OLFM3: variants seen among roughly 807,000 people sequenced by gnomAD.
The protein encoded by OLFM3 is noelin-3.
A neutral mutation model predicts 48.6 loss-of-function variants in OLFM3; 20 were observed. That is an observed-to-expected ratio of 0.41 (90% confidence interval 0.29 to 0.60). OLFM3 has a LOEUF of 0.60. Ranked by LOEUF, OLFM3 falls within the 20% of genes least tolerant of loss-of-function variation. The pLI, the probability that OLFM3 is intolerant of heterozygous loss-of-function variation, is 0.28. For missense variants in OLFM3, 437 were observed against 544.3 expected (o/e 0.80, Z 1.96); for synonymous variants, 222 against 198.1 (o/e 1.12, Z -1.01).
intron 1 of OLFM3, among the ~76,000 whole-genome samples, chr1:101,858,805 A>T (rs1037987906): frequency 6.6e-6 from 1 of 152,084 alleles, no homozygotes; most frequent in Non-Finnish European, 1.5e-5. Flanking sequence ...CTTCCTGTAC[A>T]GCCTGAAGAA....
chr1:101,985,766 T>C, intron 1 of OLFM3, among the ~76,000 whole-genome samples: 1 of 152,240 alleles, frequency 6.6e-6, no homozygotes, highest in Non-Finnish European at 1.5e-5. Context: ...GTGCTTGGGA[T>C]GTGAAATAAG....
chr1:101,955,679 G>A (rs952310477), intron 1 of OLFM3, among the ~76,000 whole-genome samples: 1 of 151,754 alleles, frequency 6.6e-6, no homozygotes, highest in Non-Finnish European at 1.5e-5. Context: ...ACACATTTTG[G>A]TTCCTTATTT....
At chr1:101,871,967 AAGTC>A (rs1479733141) in intron 1 of OLFM3, among the ~76,000 whole-genome samples, 1 of 152,116 alleles carries the variant, frequency 6.6e-6, no homozygotes, top group Non-Finnish European at 1.5e-5. Context: ...TGTGATCACA[AAGTC>A]AGCTACTCAC....
intron 1 of OLFM3, among the ~76,000 whole-genome samples, chr1:101,922,778 AC>A (rs1659139220): frequency 6.6e-6 from 1 of 152,212 alleles, no homozygotes; most frequent in Non-Finnish European, 1.5e-5. Flanking sequence ...CAGAGGTATC[AC>A]AATGTGCCTA....
At chr1:101,959,468 T>A (rs1427729337) in intron 1 of OLFM3, among the ~76,000 whole-genome samples, 1 of 152,050 alleles carries the variant, frequency 6.6e-6, no homozygotes, top group East Asian at 1.9e-4. Context: ...ATAACAGGTA[T>A]CCCTCATCAA....
At chr1:101,806,260 G>T in intron 4 of OLFM3, 78 bp from the exon 5 acceptor site, 2 of 1,058,516 alleles carry the variant, frequency 1.9e-6, no homozygotes, top group Admixed American at 3.6e-5. Context: ...TAAGAGCAAA[G>T]AAGGGGATCA....
At chr1:101,993,400 G>A (rs774701064) in intron 1 of OLFM3, among the ~76,000 whole-genome samples, 4 of 151,808 alleles carry the variant, frequency 2.6e-5, no homozygotes, top group African/African-American at 4.8e-5. Context: ...TCTAGCAGCC[G>A]CCCTCAGAAA....
intron 1 of OLFM3, among the ~76,000 whole-genome samples, chr1:101,838,723 G>A (rs921392081): frequency 4.6e-5 from 7 of 151,736 alleles, no homozygotes; most frequent in South Asian, 2.1e-4. Flanking sequence ...CAGGTGATCC[G>A]CCTGCCTCAG....
intron 1 of OLFM3, among the ~76,000 whole-genome samples, chr1:101,839,365 C>T (rs759512261): frequency 9.2e-5 from 14 of 152,094 alleles, no homozygotes; most frequent in Non-Finnish European, 1.9e-4. Context: ...AAAATGCAGA[C>T]TACCCACAGA....
rs1238827658 is a variant in OLFM3 at position 101,868,540 on chromosome 1, C to A, written c.70-31515G>T. Among the ~76,000 whole-genome samples the A allele has an allele frequency of 2.6e-5, 4 of 152,116 alleles. No homozygotes were observed. In the East Asian group the frequency reaches 7.7e-4, roughly 29 times the overall value. The stretch of plus-strand genomic sequence containing the variant: ...AAGCAGCAAAGCATTGAAGAGGAAG[C>A]AGAACATACAAATTTGGAAAATTTG... On this transcript the variant is annotated intron_variant, in intron 1 of 5. Transcript: ENST00000370103.
At chr1:101,876,281 T>C (rs1215144418) in intron 1 of OLFM3, among the ~76,000 whole-genome samples, 1 of 151,946 alleles carries the variant, frequency 6.6e-6, no homozygotes, top group Admixed American at 6.6e-5. Flanking sequence ...CTAAAGGGAA[T>C]TGGTGAATGC....
intron 3 of OLFM3, among the ~76,000 whole-genome samples, chr1:101,828,426 A>C (rs1314294696): frequency 1.3e-5 from 2 of 152,218 alleles, no homozygotes; most frequent in African/African-American, 4.8e-5. Flanking sequence ...GGATTTTGAC[A>C]TATAACTTCA....
chr1:101,831,843 C>G (rs528432453), intron 2 of OLFM3, among the ~76,000 whole-genome samples: 9 of 152,290 alleles, frequency 5.9e-5, no homozygotes, highest in African/African-American at 1.9e-4. Flanking sequence ...AGAAAGATTT[C>G]AATGAGAAAA....
intron 4 of OLFM3, chr1:101,812,315 C>T: frequency 1.6e-6 from 1 of 610,414 alleles, no homozygotes; most frequent in Non-Finnish European, 2.1e-6. Context: ...GCACATGTAC[C>T]TTAGAACTTA....
intron 1 of OLFM3, among the ~76,000 whole-genome samples, chr1:101,968,914 G>A (rs553608770): frequency 4.1e-4 from 62 of 152,266 alleles, no homozygotes; most frequent in African/African-American, 1.4e-3. Flanking sequence ...ATCAGGAAGT[G>A]CAGAGATTAA....
At chr1:101,991,125 C>CCATTTCAACAT (rs1661398209) in intron 1 of OLFM3, among the ~76,000 whole-genome samples, 1 of 135,394 alleles carries the variant, frequency 7.4e-6, no homozygotes, top group Non-Finnish European at 1.6e-5. Context: ...TCAAGGACCA[C>CCATTTCAACAT]CATTTCAACA....
rs143989644 is a variant in OLFM3 at position 101,867,474 on chromosome 1, C to T, written c.70-30449G>A. 5.3e-5 allele frequency among the ~76,000 whole-genome samples: 8 copies of T among 152,260 alleles called. No homozygotes were observed. In the South Asian group the frequency reaches 6.2e-4, roughly 12 times the overall value. Reference sequence around the variant, plus strand: ...ACAATGTTTATAAAGTCAATCTAGACTAGAATACTATTCCAAAGTCAATCT... The same window carrying T: ...ACAATGTTTATAAAGTCAATCTAGATTAGAATACTATTCCAAAGTCAATCT... On this transcript the variant is annotated intron_variant, in intron 1 of 5. Transcript: ENST00000370103.
chr1:101,893,486 C>T (rs1658081239), intron 1 of OLFM3: 1 of 287,554 alleles, frequency 3.5e-6, no homozygotes, highest in Admixed American at 3.7e-5. Flanking sequence ...TGAAAGATGG[C>T]CAGAAAATAA....
chr1:101,905,314 T>A (rs1658517262), intron 1 of OLFM3, among the ~76,000 whole-genome samples: 1 of 152,112 alleles, frequency 6.6e-6, no homozygotes, highest in African/African-American at 2.4e-5. Flanking sequence ...ATTGACTCAA[T>A]GAAACTTCCT....
Sources: allele counts gnomAD v4.1 joint callset (sites outside exome capture counted in the v4.1 genomes callset), GRCh38; gene constraint gnomAD v4.1.1; transcripts MANE v1.5; gene names NCBI Gene and HGNC (gene_info 2026-07-23, HGNC 2026-07-21).